SLC25A19: variants seen among roughly 807,000 people sequenced by gnomAD.
SLC25A19 encodes the protein mitochondrial thiamine pyrophosphate carrier.
A neutral mutation model predicts 27.9 loss-of-function variants in SLC25A19; 18 were observed. That is an observed-to-expected ratio of 0.64 (90% CI 0.45 to 0.96). The LOEUF is 0.96. Ranked by LOEUF, SLC25A19 falls within the 40% of genes least tolerant of loss-of-function variation. The pLI is 0.00. For missense variants in SLC25A19, 371 were observed against 418.3 expected (o/e 0.89, Z 0.99); for synonymous variants, 169 against 167.1 (o/e 1.01, Z -0.09).
In SLC25A19 at chr17:75,286,142, G is replaced by A. The variant is rs1018215753; in HGVS notation, c.288+162C>T. 4.6e-5 allele frequency among the ~76,000 whole-genome samples: 7 copies of A among 152,188 alleles called. No individual in the cohort carries two copies. In the East Asian group the frequency reaches 7.7e-4, roughly 17 times the overall value. ...GGACATGGCGGAGGGCAATGCCTAC[G>A]GTACTGCTGGTCAGGAAGGCTCCCG... On this transcript the variant is annotated intron_variant, in intron 4 of 7. Transcript: ENST00000416858.
At position 75,277,449 on chromosome 17, in the gene SLC25A19, A is replaced by T; in HGVS notation, c.678T>A (p.Ala226=). 1 of 1,614,088 alleles carries T rather than the reference A, an allele frequency of 6.2e-7. No homozygotes were observed. Among genetic ancestry groups the T allele is most frequent in the Non-Finnish European group, 8.5e-7 (1 of 1,179,996 alleles). ...NLQNLLCGSG[A]GVISKTLTYP... ...ATGTCAGGGTCTTGCTGATGACACC[A>T]GCTCCACTGCCACAAAGCAGGTTTT... is the stretch of plus-strand genomic sequence containing the variant. Residue 226 remains alanine (A), a synonymous_variant, in exon 7 of 8, where the codon GCT becomes GCA. Transcript: ENST00000416858.
At chr17:75,274,611 C>A (rs1283013337) in intron 7 of SLC25A19, among the ~76,000 whole-genome samples, 1 of 152,176 alleles carries the variant, frequency 6.6e-6, no homozygotes, top group Non-Finnish European at 1.5e-5. Flanking sequence ...CCTCTGCCAT[C>A]CTGGGCTCTC....
chr17:75,283,296 G>A, intron 5 of SLC25A19, 127 bp downstream of exon 5: 1 of 1,086,438 alleles, frequency 9.2e-7, no homozygotes, highest in South Asian at 1.9e-5. Flanking sequence ...GCGAGATTCT[G>A]TCTCAAACAA....
intron 4 of SLC25A19, among the ~76,000 whole-genome samples, chr17:75,285,250 T>G (rs950752639): frequency 9.2e-5 from 14 of 152,042 alleles, no homozygotes; most frequent in African/African-American, 3.4e-4. Flanking sequence ...GCTCAGATCT[T>G]CCTTCAGCCA....
rs2077944829 is a variant in SLC25A19 at position 75,278,235 on chromosome 17, G to C, written c.560C>G (p.Pro187Arg). ...GLAPTLIAIF[P>R]YAGLQFSCYS... ...GCAAGAGAACTGCAGCCCGGCGTAG[G>C]GGAAGATGGCGATCAAGGTGGGAGC... Residue 187 changes from proline to arginine, a missense_variant, in exon 6 of 8, where the codon CCC (proline) becomes CGC (arginine). Physicochemically the swap from Pro to Arg is moderately radical, Grantham distance 103. Transcript: ENST00000416858. 6.2e-7 allele frequency: 1 copy of C among 1,613,996 alleles called. No homozygotes were observed. Among genetic ancestry groups the C allele is most frequent in the Admixed American group, 1.7e-5 (1 of 59,994 alleles).
rs1204267396 is a variant in SLC25A19 at position 75,280,683 on chromosome 17, G to A, written c.460-2348C>T. Among the ~76,000 whole-genome samples, 6 of 151,230 alleles carry A rather than the reference G, an allele frequency of 4.0e-5. No homozygotes were observed. The South Asian group carries it at 6.3e-4, about 16-fold the overall frequency. On this transcript the variant is annotated intron_variant, in intron 5 of 7. Coordinates refer to ENST00000416858, the MANE Select transcript of SLC25A19 (RefSeq NM_001126121.2). ...CAAAAATTAGCCAGGCGCGGTGGTG[G>A]GCGCCTGTAATCCCAACTACTTGGG...
At chr17:75,276,135 C>T (rs1007561337) in intron 7 of SLC25A19, among the ~76,000 whole-genome samples, 2 of 151,706 alleles carry the variant, frequency 1.3e-5, no homozygotes, top group African/African-American at 4.8e-5. Flanking sequence ...ATTAGCTGGG[C>T]GTGGTGGCAC....
intron 5 of SLC25A19, 53 bp from the exon 6 acceptor site, chr17:75,278,388 G>T: frequency 6.2e-7 from 1 of 1,601,590 alleles, no homozygotes; most frequent in South Asian, 1.1e-5. Context: ...TTTAGCCCTG[G>T]AACAGCCCAT....
At chr17:75,283,961 A>T (rs1156765955) in intron 4 of SLC25A19, among the ~76,000 whole-genome samples, 2 of 152,030 alleles carry the variant, frequency 1.3e-5, no homozygotes, top group Non-Finnish European at 2.9e-5. Context: ...TAAAAATACA[A>T]AAATTAGTCA....
At chr17:75,284,563 T>C (rs1378203764) in intron 4 of SLC25A19, among the ~76,000 whole-genome samples, 2 of 151,560 alleles carry the variant, frequency 1.3e-5, no homozygotes, top group Non-Finnish European at 2.9e-5. Flanking sequence ...TGTTCGAGAA[T>C]CATTCTTTTC....
rs77182978 is a variant in SLC25A19, at chr17:75,278,988, CATAAATAAATAAATAA to C, written c.460-669_460-654del. On this transcript the variant is annotated intron_variant, in intron 5 of 7. Coordinates refer to ENST00000416858, the MANE Select transcript of SLC25A19 (RefSeq NM_001126121.2). ...ACAGGCGGAGACTCTGTCTCAAAAA[CATAAATAAATAAATAA>C]ATAAATAAATAAATAAATAAATAAT... Among the ~76,000 whole-genome samples, 67 of 146,814 alleles carry C rather than the reference CATAAATAAATAAATAA, an allele frequency of 4.6e-4. 1 individual carries two copies. Among genetic ancestry groups the C allele is most frequent in the South Asian group, 4.1e-3 (19 of 4,676 alleles).
At chr17:75,277,013 A>C (rs577479082) in intron 7 of SLC25A19, among the ~76,000 whole-genome samples, 12 of 148,980 alleles carry the variant, frequency 8.1e-5, no homozygotes, top group Non-Finnish European at 1.5e-4. Flanking sequence ...AAATTGTGCT[A>C]GGTGCAGTGG....
intron 6 of SLC25A19, 138 bp downstream of exon 6, chr17:75,278,014 T>C: frequency 1.2e-6 from 1 of 858,466 alleles, no homozygotes; most frequent in South Asian, 1.4e-5. Context: ...GTTGTTTTGT[T>C]TGCCACATTA....
At position 75,273,174 on chromosome 17, in the gene SLC25A19, T is replaced by C; in HGVS notation, c.*277A>G. The C allele has an allele frequency of 2.1e-6, 1 of 474,380 alleles. No homozygotes were observed. The highest frequency in any genetic ancestry group is 2.1e-5 in the South Asian group (1 of 48,142). The allele number at this position is 474,380 out of a possible 1,614,324, so 29.4% of individuals were successfully genotyped here. ...AGGTGTAGGATGGCGTCTGTTTCCT[T>C]TGGAGTGTGGGCTGGTCAGAGGAGA... On this transcript the variant is annotated 3_prime_UTR_variant, in exon 8 of 8. Coordinates refer to ENST00000416858, the MANE Select transcript of SLC25A19 (RefSeq NM_001126121.2).
At chr17:75,289,084 G>A (rs2078250572) in intron 1 of SLC25A19, 1 of 152,244 alleles carries the variant, frequency 6.6e-6, no homozygotes, top group Non-Finnish European at 1.5e-5. Context: ...TCCCCGTGTG[G>A]GTACCTAGGT....
At chr17:75,277,744 A>G (rs1377089615) in intron 6 of SLC25A19, among the ~76,000 whole-genome samples, 1 of 152,172 alleles carries the variant, frequency 6.6e-6, no homozygotes, top group Non-Finnish European at 1.5e-5. Flanking sequence ...CATGGGCCTC[A>G]GGCTCTGCAG....
chr17:75,279,556 G>A (rs1598184632), intron 5 of SLC25A19, among the ~76,000 whole-genome samples: 1 of 144,034 alleles, frequency 6.9e-6, no homozygotes, highest in Non-Finnish European at 1.5e-5. Flanking sequence ...TGCCTAGGCT[G>A]GAGTTGCCTA....
chr17:75,274,360 TG>T (rs1319401617), intron 7 of SLC25A19, among the ~76,000 whole-genome samples: 1 of 152,146 alleles, frequency 6.6e-6, no homozygotes, highest in African/African-American at 2.4e-5. Context: ...CACACACTGC[TG>T]CCAGACATTC....
intron 5 of SLC25A19, among the ~76,000 whole-genome samples, chr17:75,281,974 A>G (rs772425062): frequency 1.6e-4 from 24 of 152,142 alleles, no homozygotes; most frequent in Non-Finnish European, 3.4e-4. Flanking sequence ...CTGCAAGGAC[A>G]AGAACTCAAC....
Sources: allele counts gnomAD v4.1 joint callset (sites outside exome capture counted in the v4.1 genomes callset), GRCh38; gene constraint gnomAD v4.1.1; transcripts MANE v1.5; gene names NCBI Gene and HGNC (gene_info 2026-07-23, HGNC 2026-07-21).